AHCY: variants seen among roughly 807,000 people sequenced by gnomAD.
AHCY encodes the protein adenosylhomocysteinase, also known as S-adenosyl-L-homocysteine hydrolase.
Under a neutral mutation model 45.4 loss-of-function variants are expected in AHCY, and 24 were observed. That is an observed-to-expected ratio of 0.53 (90% CI 0.38 to 0.74). The LOEUF is 0.74. Ranked by LOEUF, AHCY falls within the 30% of genes least tolerant of loss-of-function variation. The pLI, the probability that AHCY is intolerant of heterozygous loss-of-function variation, is 0.00. For missense variants in AHCY, 449 were observed against 594.1 expected (o/e 0.76, Z 2.54); for synonymous variants, 245 against 235.1 (o/e 1.04, Z -0.39).
At chr20:34,297,386 G>A (rs918239524) in intron 1 of AHCY, among the ~76,000 whole-genome samples, 1 of 152,002 alleles carries the variant, frequency 6.6e-6, no homozygotes, top group Non-Finnish European at 1.5e-5. Flanking sequence ...CCACCTCTCA[G>A]GTCCCGGTTC....
At chr20:34,244,695 A>C in the AHCY span, among the ~76,000 whole-genome samples, 1 of 152,192 alleles carries the variant, frequency 6.6e-6, no homozygotes, top group South Asian at 2.1e-4. Flanking sequence ...ATGTCTTCTA[A>C]TGTCAAAGAA....
chr20:34,262,899 G>C, the AHCY span: 1 of 1,613,878 alleles, frequency 6.2e-7, no homozygotes, highest in Non-Finnish European at 8.5e-7. Flanking sequence ...CTAAGGTAAG[G>C]GCAGGGAAGT....
intron 9 of AHCY, 72 bp from the exon 10 acceptor site, chr20:34,281,237 T>C (rs557122361): frequency 1.3e-5 from 21 of 1,596,952 alleles, no homozygotes; most frequent in Middle Eastern, 2.3e-4. Context: ...TGGCTGCCAA[T>C]AGAGGCAGAA....
chr20:34,256,689 T>C, the AHCY span, among the ~76,000 whole-genome samples: 2 of 152,200 alleles, frequency 1.3e-5, no homozygotes, highest in South Asian at 4.1e-4. Context: ...ATATTATTTA[T>C]GGTAAGGAAA....
chr20:34,303,377 C>T (rs886056637), upstream of AHCY: 9 of 1,472,142 alleles, frequency 6.1e-6, no homozygotes, highest in East Asian at 2.5e-5. Context: ...GCGCCGACGC[C>T]TTTAAATATC....
the AHCY span, among the ~76,000 whole-genome samples, chr20:34,253,488 T>C: frequency 6.6e-6 from 1 of 151,432 alleles, no homozygotes; most frequent in Non-Finnish European, 1.5e-5. Flanking sequence ...TATTTATTTT[T>C]TAGAGACAGA....
chr20:34,302,105 G>GTCC (rs1486903705), intron 1 of AHCY: 176 of 506,746 alleles, frequency 3.5e-4, no homozygotes, highest in African/African-American at 3.4e-3. Flanking sequence ...GGCTCAAACA[G>GTCC]TCCTCCTGCC....
downstream of AHCY, among the ~76,000 whole-genome samples, chr20:34,275,634 T>C (rs2035904408): frequency 6.6e-6 from 1 of 151,862 alleles, no homozygotes; most frequent in South Asian, 2.1e-4. Flanking sequence ...ACTCAAATAT[T>C]CTCTGGAATG....
upstream of AHCY, among the ~76,000 whole-genome samples, chr20:34,304,457 C>T (rs1093783): frequency 0.87 from 132,464 of 152,142 alleles, 57,757 homozygotes; most frequent in Admixed American, 0.91. Flanking sequence ...AAATGCTATG[C>T]AAATGGTTGT....
the AHCY span, chr20:34,246,042 G>T: frequency 1.1e-6 from 1 of 929,274 alleles, no homozygotes; most frequent in Non-Finnish European, 1.8e-6. Context: ...CATCTGTAAA[G>T]TCTCCCCGAA....
the AHCY span, among the ~76,000 whole-genome samples, chr20:34,244,667 G>A: frequency 6.6e-6 from 1 of 152,134 alleles, no homozygotes; most frequent in East Asian, 1.9e-4. Flanking sequence ...TTTTACGCAA[G>A]GCTGGTTATT....
intron 1 of AHCY, among the ~76,000 whole-genome samples, 198 bp from the exon 2 acceptor site, chr20:34,295,783 C>A (rs2036560421): frequency 1.3e-5 from 2 of 152,346 alleles, no homozygotes; most frequent in South Asian, 4.1e-4. Context: ...TGCCTACCTG[C>A]ACCTTTCTGA....
intron 1 of AHCY, among the ~76,000 whole-genome samples, chr20:34,309,738 G>C (rs564250684): frequency 6.6e-6 from 1 of 152,244 alleles, no homozygotes; most frequent in East Asian, 1.9e-4. Context: ...CCGAGATCGT[G>C]CCATTGCACT....
intron 1 of AHCY, among the ~76,000 whole-genome samples, chr20:34,309,662 T>C (rs901084683): frequency 7.9e-5 from 12 of 152,168 alleles, no homozygotes; most frequent in African/African-American, 2.2e-4. Flanking sequence ...GCACTTGTAA[T>C]CCCAGCTACT....
At chr20:34,310,338 C>T (rs968360762) in intron 1 of AHCY, among the ~76,000 whole-genome samples, 9 of 152,196 alleles carry the variant, frequency 5.9e-5, no homozygotes, top group African/African-American at 1.2e-4. Context: ...GGATTACAGA[C>T]GTGAGCCACC....
the AHCY span, among the ~76,000 whole-genome samples, chr20:34,236,556 A>G: frequency 6.6e-6 from 1 of 151,896 alleles, no homozygotes; most frequent in Non-Finnish European, 1.5e-5. Context: ...AAAAAAAAAA[A>G]GAATCATTAT....
intron 8 of AHCY, among the ~76,000 whole-genome samples, chr20:34,288,553 G>A (rs898143810): frequency 6.6e-6 from 1 of 152,010 alleles, no homozygotes; most frequent in Non-Finnish European, 1.5e-5. Context: ...TGTAGTCCCA[G>A]GTACTTGGAA....
At chr20:34,282,590 ATCC>A (rs1310760344) in intron 9 of AHCY, among the ~76,000 whole-genome samples, 3 of 152,224 alleles carry the variant, frequency 2.0e-5, no homozygotes, top group African/African-American at 4.8e-5. Flanking sequence ...ATCCACTGCC[ATCC>A]TCCTTTTATA....
chr20:34,285,606 C>T lies in AHCY; in HGVS notation c.1001G>A (p.Arg334His), dbSNP rs201871637. ...QVDRYRLKNG[R>H]RIILLAEGRL... is the part of the protein sequence containing the mutation. ...ACCCTCGGCCAGCAGGATGATGCGG[C>T]GCCCATTCTTCAACCGATACCGGTC... is the stretch of plus-strand genomic sequence containing the variant. Residue 334 changes from arginine (R) to histidine (H), a missense_variant, in exon 9 of 10, where the codon CGC becomes CAC. By Grantham distance (29) the Arg-to-His change is conservative. Transcript: ENST00000217426. 114 of 1,613,836 alleles carry T rather than the reference C, an allele frequency of 7.1e-5. No individual in the cohort carries two copies. The Admixed American group carries it at 8.7e-4, about 12-fold the overall frequency.
Sources: allele counts gnomAD v4.1 joint callset (sites outside exome capture counted in the v4.1 genomes callset), GRCh38; gene constraint gnomAD v4.1.1; transcripts MANE v1.5; gene names NCBI Gene and HGNC (gene_info 2026-07-23, HGNC 2026-07-21).